Variants in SPOCK1 observed in about 807,000 individuals in gnomAD.
SPOCK1 encodes testican-1.
In SPOCK1, 23 loss-of-function variants were observed where a neutral mutation model predicts 55.3. That is an observed-to-expected ratio of 0.42 (90% confidence interval 0.30 to 0.59). SPOCK1 has a LOEUF of 0.59. Ranked by LOEUF, SPOCK1 falls within the 20% of genes least tolerant of loss-of-function variation. SPOCK1 has a pLI of 0.22. For missense variants in SPOCK1, 499 were observed against 552.5 expected (o/e 0.90, Z 0.97); for synonymous variants, 226 against 221.0 (o/e 1.02, Z -0.20).
At chr5:137,481,905 T>C (rs1412810914) in intron 2 of SPOCK1, among the ~76,000 whole-genome samples, 1 of 151,982 alleles carries the variant, frequency 6.6e-6, no homozygotes, top group Non-Finnish European at 1.5e-5. Context: ...AGATACACTT[T>C]AGCTTAGAAT....
chr5:137,037,113 T>A (rs1751899934), intron 6 of SPOCK1, among the ~76,000 whole-genome samples: 1 of 152,172 alleles, frequency 6.6e-6, no homozygotes, highest in East Asian at 1.9e-4. Context: ...ATATTCTGTA[T>A]ACCTGAATCC....
intron 2 of SPOCK1, among the ~76,000 whole-genome samples, chr5:137,296,068 C>T (rs2043850146): frequency 6.6e-6 from 1 of 152,142 alleles, no homozygotes; most frequent in Non-Finnish European, 1.5e-5. Flanking sequence ...AAAAGAGACC[C>T]TGAAGAGACC....
At chr5:137,207,990 A>C (rs1384889703) in intron 3 of SPOCK1, among the ~76,000 whole-genome samples, 1 of 152,066 alleles carries the variant, frequency 6.6e-6, no homozygotes, top group Non-Finnish European at 1.5e-5. Context: ...CTAAACATAC[A>C]ATCCCCAGCA....
chr5:137,324,150 A>G (rs1050602338), intron 2 of SPOCK1, among the ~76,000 whole-genome samples: 5 of 152,216 alleles, frequency 3.3e-5, no homozygotes, highest in African/African-American at 1.2e-4. Flanking sequence ...ACCTTAAAAA[A>G]AGAGAAAATT....
At chr5:137,208,766 G>A (rs1296967158) in intron 3 of SPOCK1, among the ~76,000 whole-genome samples, 3 of 151,946 alleles carry the variant, frequency 2.0e-5, no homozygotes, top group African/African-American at 7.3e-5. Context: ...ACTATACTCA[G>A]TACCTGGGTG....
At chr5:137,336,229 C>G (rs767573294) in intron 2 of SPOCK1, among the ~76,000 whole-genome samples, 7 of 152,132 alleles carry the variant, frequency 4.6e-5, no homozygotes, top group Non-Finnish European at 1.0e-4. Context: ...TTGATTGCCT[C>G]AAGAGGAAAG....
At chr5:137,140,467 C>A in intron 4 of SPOCK1, 113 bp downstream of exon 4, 6 of 800,864 alleles carry the variant, frequency 7.5e-6, no homozygotes, top group African/African-American at 1.7e-5. Context: ...CAAATGGCGA[C>A]CCTAACACTA....
At chr5:137,131,695 G>A (rs1003701100) in intron 4 of SPOCK1, among the ~76,000 whole-genome samples, 6 of 147,360 alleles carry the variant, frequency 4.1e-5, no homozygotes, top group Non-Finnish European at 6.0e-5. Context: ...TCTCCCCCCC[G>A]GGTGTGGTAG....
chr5:137,368,325 A>G (rs991643494), intron 2 of SPOCK1, among the ~76,000 whole-genome samples: 1 of 152,208 alleles, frequency 6.6e-6, no homozygotes, highest in East Asian at 1.9e-4. Context: ...AAGTTAAGGT[A>G]CAATGACAAC....
chr5:137,286,337 G>T (rs1757265085), intron 2 of SPOCK1, among the ~76,000 whole-genome samples: 1 of 152,190 alleles, frequency 6.6e-6, no homozygotes, highest in African/African-American at 2.4e-5. Flanking sequence ...GGGATGTAGG[G>T]AACTAATGTT....
intron 4 of SPOCK1, among the ~76,000 whole-genome samples, chr5:137,121,014 G>C (rs1225925841): frequency 6.6e-6 from 1 of 152,152 alleles, no homozygotes; most frequent in Non-Finnish European, 1.5e-5. Flanking sequence ...TTAATATTTT[G>C]AGGGCCTGTT....
At chr5:137,496,802 G>A (rs937522236) in intron 2 of SPOCK1, among the ~76,000 whole-genome samples, 1 of 152,150 alleles carries the variant, frequency 6.6e-6, no homozygotes, top group African/African-American at 2.4e-5. Context: ...TCTCACTGGG[G>A]TAGGGGAGGA....
intron 5 of SPOCK1, among the ~76,000 whole-genome samples, chr5:137,098,275 C>A (rs1753192750): frequency 6.6e-6 from 1 of 152,246 alleles, no homozygotes; most frequent in South Asian, 2.1e-4. Flanking sequence ...TTAACTCGGA[C>A]ACTGCTGCAC....
chr5:137,270,241 G>A (rs1397129735), intron 2 of SPOCK1, among the ~76,000 whole-genome samples: 1 of 152,196 alleles, frequency 6.6e-6, no homozygotes, highest in African/African-American at 2.4e-5. Context: ...ATCTATCTGA[G>A]TTAGCCTTTT....
intron 2 of SPOCK1, among the ~76,000 whole-genome samples, chr5:137,460,572 CAG>C (rs1361566498): frequency 6.6e-6 from 1 of 152,182 alleles, no homozygotes; most frequent in Non-Finnish European, 1.5e-5. Context: ...ATTGGACAGA[CAG>C]AGAGGACAAT....
chr5:137,420,667 T>C (rs1233993860), intron 2 of SPOCK1, among the ~76,000 whole-genome samples: 1 of 152,190 alleles, frequency 6.6e-6, no homozygotes, highest in Non-Finnish European at 1.5e-5. Context: ...TTGTATTGTG[T>C]CTATTTGATT....
At chr5:137,117,214 C>G (rs1753604359) in intron 4 of SPOCK1, among the ~76,000 whole-genome samples, 1 of 152,224 alleles carries the variant, frequency 6.6e-6, no homozygotes, top group African/African-American at 2.4e-5. Context: ...ATATCTACCA[C>G]TTAAGTGTCT....
intron 2 of SPOCK1, chr5:137,313,327 G>A: frequency 1.4e-6 from 1 of 730,188 alleles, no homozygotes; most frequent in Non-Finnish European, 1.7e-6. Context: ...TTGGAAGTAG[G>A]GATGAGGTAT....
chr5:137,039,823 T>A (rs1173568770), intron 6 of SPOCK1, among the ~76,000 whole-genome samples: 1 of 152,230 alleles, frequency 6.6e-6, no homozygotes, highest in African/African-American at 2.4e-5. Flanking sequence ...CCCAGAGCAA[T>A]GCTGGGTATT....
Sources: allele counts gnomAD v4.1 joint callset (sites outside exome capture counted in the v4.1 genomes callset), GRCh38; gene constraint gnomAD v4.1.1; transcripts MANE v1.5; gene names NCBI Gene and HGNC (gene_info 2026-07-23, HGNC 2026-07-21).